RYR3: variants seen among roughly 807,000 people sequenced by gnomAD.
RYR3 encodes ryanodine receptor 3, also known as brain ryanodine receptor-calcium release channel.
Under a neutral mutation model 584.3 loss-of-function variants are expected in RYR3, and 207 were observed. That is an observed-to-expected ratio of 0.35 (90% CI 0.32 to 0.40). The LOEUF is 0.40. RYR3 is among the 10% of genes least tolerant of loss of function. The pLI is 1.00. For missense variants in RYR3, 5,616 were observed against 6,089.2 expected (o/e 0.92, Z 2.59); for synonymous variants, 2,416 against 2,248.5 (o/e 1.07, Z -2.11).
In RYR3 at chr15:33,311,690, G is replaced by A. The variant is rs1021815241; in HGVS notation, c.51+594G>A. Among the ~76,000 whole-genome samples the A allele has an allele frequency of 6.6e-6, 1 of 152,230 alleles. No homozygotes were observed. Among genetic ancestry groups the A allele is most frequent in the Non-Finnish European group, 1.5e-5 (1 of 68,046 alleles). On this transcript the variant is annotated intron_variant, in intron 1 of 103. Transcript: ENST00000634891. This position sits in a 1 kb window ranked among gnomAD's most constrained non-coding sequence, Gnocchi z 4.4. The stretch of plus-strand genomic sequence containing the variant: ...CGTGTTAAGCCCCACGCCGGCAACT[G>A]CTGCTGGAGCCTGACTTGACTGACT...
At chr15:33,543,848 G>A (rs1295666142) in intron 8 of RYR3, 133 bp downstream of exon 8, 1 of 705,250 alleles carries the variant, frequency 1.4e-6, no homozygotes, top group East Asian at 2.5e-5. Flanking sequence ...CTCCAGCCAT[G>A]GGTTCCGGTT....
chr15:33,508,831 C>A (rs2052710267), intron 3 of RYR3, among the ~76,000 whole-genome samples: 1 of 152,148 alleles, frequency 6.6e-6, no homozygotes, highest in Non-Finnish European at 1.5e-5. Context: ...TTATTCTTGT[C>A]TTTACAGTAG....
intron 1 of RYR3, among the ~76,000 whole-genome samples, chr15:33,375,864 A>C (rs879798427): frequency 3.5e-4 from 53 of 152,116 alleles, no homozygotes; most frequent in Non-Finnish European, 6.6e-4. Flanking sequence ...GGAGATTGAG[A>C]CCATCCTGGC....
chr15:33,406,751 G>T (rs1446673051), intron 1 of RYR3, among the ~76,000 whole-genome samples: 1 of 152,130 alleles, frequency 6.6e-6, no homozygotes, highest in Non-Finnish European at 1.5e-5. Context: ...ACTATCCCAG[G>T]CCATTTCATT....
chr15:33,358,420 A>G (rs1166747287), intron 1 of RYR3, among the ~76,000 whole-genome samples: 2 of 152,158 alleles, frequency 1.3e-5, no homozygotes, highest in Non-Finnish European at 2.9e-5. Flanking sequence ...GTTTGACAGT[A>G]TATCTGTCTG....
intron 5 of RYR3, among the ~76,000 whole-genome samples, chr15:33,536,619 A>T (rs11072524): frequency 6.6e-6 from 1 of 152,044 alleles, no homozygotes; most frequent in Admixed American, 6.5e-5. Context: ...CCCCTTCATC[A>T]TGGACACCCT....
chr15:33,511,658 G>A (rs1332748624), intron 3 of RYR3, among the ~76,000 whole-genome samples: 1 of 151,810 alleles, frequency 6.6e-6, no homozygotes, highest in Non-Finnish European at 1.5e-5. Flanking sequence ...TGAAATTAGA[G>A]GTGGCTGCAC....
At position 33,652,905 on chromosome 15, in the gene RYR3, G is replaced by A. The variant is rs772034753; in HGVS notation, c.4308+22G>A. The stretch of plus-strand genomic sequence containing the variant: ...CCAGGTAAGGGCGGCTTCTGGGGCC[G>A]AAACAGGGCTATCCCAGGCCTGGTG... On this transcript the variant is annotated intron_variant, in intron 32 of 103. Transcript: ENST00000634891. 45 of 1,595,050 alleles carry A rather than the reference G, an allele frequency of 2.8e-5. No individual in the cohort carries two copies. The African/African-American group carries it at 3.9e-4, about 14-fold the overall frequency.
chr15:33,430,320 G>C (rs2045026595), intron 1 of RYR3, among the ~76,000 whole-genome samples: 1 of 152,220 alleles, frequency 6.6e-6, no homozygotes, highest in Admixed American at 6.5e-5. Flanking sequence ...AGAAGTCACA[G>C]GCAAAAGTGA....
intron 38 of RYR3, among the ~76,000 whole-genome samples, chr15:33,677,640 A>C (rs1333932040): frequency 6.6e-6 from 1 of 152,210 alleles, no homozygotes; most frequent in African/African-American, 2.4e-5. Flanking sequence ...ACTGGCTTGC[A>C]GGGCTGCCTC....
intron 38 of RYR3, among the ~76,000 whole-genome samples, chr15:33,675,471 A>G (rs1304412479): frequency 1.3e-5 from 2 of 152,214 alleles, no homozygotes; most frequent in Non-Finnish European, 2.9e-5. Flanking sequence ...GAAACGGCTT[A>G]AGGACTAAAT....
chr15:33,727,106 G>A (rs2068526884), intron 46 of RYR3, among the ~76,000 whole-genome samples: 1 of 152,206 alleles, frequency 6.6e-6, no homozygotes, highest in African/African-American at 2.4e-5. Flanking sequence ...GGGTCCCCCA[G>A]CTTGTGTAGG....
intron 98 of RYR3, 30 bp from the exon 99 acceptor site, chr15:33,857,750 C>G (rs199970361): frequency 2.5e-6 from 4 of 1,613,390 alleles, no homozygotes; most frequent in Non-Finnish European, 3.4e-6. Context: ...GACCCCACTC[C>G]TTTTCCTTTC....
rs188380276 is a variant in RYR3, at chr15:33,580,906, T to C, written c.1438-602T>C. Among the ~76,000 whole-genome samples, 191 of 152,298 alleles carry C rather than the reference T, an allele frequency of 1.3e-3. 1 individual carries two copies. Among genetic ancestry groups the C allele is most frequent in the African/African-American group, 4.3e-3 (177 of 41,568 alleles). ...GACTTAAAGGCTACTGAAATTCCATTTACCATCTCCCTCCCATGCGCTAAG... is the reference window on the plus strand; with the variant it reads ...GACTTAAAGGCTACTGAAATTCCATCTACCATCTCCCTCCCATGCGCTAAG... On this transcript the variant is annotated intron_variant, in intron 13 of 103. Coordinates refer to ENST00000634891, the MANE Select transcript of RYR3 (RefSeq NM_001036.6).
In RYR3 at chr15:33,788,202, C is replaced by G; in HGVS notation, c.9590-16C>G. ...CATAATACGTGAAATGACGGGGAGG[C>G]TCTTTGTAAACGCAGTGTATGCACA... On this transcript the variant is annotated splice_polypyrimidine_tract_variant and intron_variant, in intron 66 of 103. Transcript: ENST00000634891. 6.2e-7 allele frequency: 1 copy of G among 1,613,088 alleles called. No homozygotes were observed. Among genetic ancestry groups the G allele is most frequent in the Middle Eastern group, 1.7e-4 (1 of 6,058 alleles).
chr15:33,358,630 G>T (rs1348830461), intron 1 of RYR3, among the ~76,000 whole-genome samples: 2 of 136,520 alleles, frequency 1.5e-5, no homozygotes, highest in Non-Finnish European at 1.5e-5. Context: ...TGTCACACTT[G>T]TTGAAATCTG....
intron 49 of RYR3, 97 bp downstream of exon 49, chr15:33,736,422 C>T (rs1379186820): frequency 9.8e-6 from 8 of 818,312 alleles, no homozygotes; most frequent in South Asian, 1.6e-5. Flanking sequence ...AAAATACATG[C>T]TAAATGGGTT....
intron 4 of RYR3, among the ~76,000 whole-genome samples, chr15:33,532,372 G>A (rs1392387247): frequency 1.3e-5 from 2 of 151,818 alleles, no homozygotes. Context: ...AAAAACAGAA[G>A]GTCATGGGAC....
In RYR3 at chr15:33,785,679, A is replaced by T. The variant is rs1428977988; in HGVS notation, c.9286A>T (p.Thr3096Ser). 1.9e-6 allele frequency: 3 copies of T among 1,598,050 alleles called. No homozygotes were observed. The highest frequency in any genetic ancestry group is 1.7e-5 in the Admixed American group (1 of 58,858). ...TCAATCAGTTCTGGGGATGCCAGAC[A>T]CGGTAGAAGACATGTGTCCTGACAT... The part of the protein sequence containing the change: ...RERSILGMPD[T>S]VEDMCPDIPQ... The change falls in exon 66 of 104, where the codon ACG (threonine) becomes TCG (serine). Residue 3096 changes from threonine to serine, a missense_variant. Coordinates refer to ENST00000634891, the MANE Select transcript of RYR3 (RefSeq NM_001036.6).
Sources: allele counts gnomAD v4.1 joint callset (sites outside exome capture counted in the v4.1 genomes callset), GRCh38; gene constraint gnomAD v4.1.1; non-coding constraint Gnocchi (gnomAD v3.1); transcripts MANE v1.5; gene names NCBI Gene and HGNC (gene_info 2026-07-23, HGNC 2026-07-21).